The following TNFRSF21 variants were observed in gnomAD, a reference collection of about 807,000 sequenced individuals.
TNFRSF21 encodes TNF receptor superfamily member 21.
A neutral mutation model predicts 45.6 loss-of-function variants in TNFRSF21; 19 were observed. The ratio of observed to expected loss-of-function variants is 0.42; its 90% CI spans 0.29 to 0.61. TNFRSF21 has a LOEUF of 0.61. Among genes scored for constraint, TNFRSF21 ranks in the 20% least tolerant of loss-of-function variants. TNFRSF21 has a pLI of 0.23. For synonymous variants in TNFRSF21, 314 were observed against 335.5 expected (o/e 0.94, Z 0.70); for missense variants, 737 against 851.5 (o/e 0.87, Z 1.67).
At chr6:47,297,040 G>A (rs959057924) in intron 1 of TNFRSF21, among the ~76,000 whole-genome samples, 2 of 152,106 alleles carry the variant, frequency 1.3e-5, no homozygotes, top group Non-Finnish European at 2.9e-5. Context: ...TCAGATATTG[G>A]GGGCAGTCCC....
intron 4 of TNFRSF21, among the ~76,000 whole-genome samples, chr6:47,248,293 A>T (rs1764850951): frequency 1.3e-5 from 2 of 152,130 alleles, no homozygotes; most frequent in African/African-American, 4.8e-5. Context: ...TTTGATAACC[A>T]CTCAGAGTGT....
At chr6:47,274,620 A>G (rs895484492) in intron 3 of TNFRSF21, among the ~76,000 whole-genome samples, 12 of 152,328 alleles carry the variant, frequency 7.9e-5, no homozygotes, top group Admixed American at 3.9e-4. Flanking sequence ...ATGGCAACAA[A>G]AGCCAAAATT....
At chr6:47,267,756 G>C (rs1762356851) in intron 3 of TNFRSF21, among the ~76,000 whole-genome samples, 1 of 152,124 alleles carries the variant, frequency 6.6e-6, no homozygotes, top group South Asian at 2.1e-4. Flanking sequence ...ACACAGGCCT[G>C]GCACCATGGC....
intron 4 of TNFRSF21, among the ~76,000 whole-genome samples, chr6:47,238,328 C>T (rs538286005): frequency 2.0e-5 from 3 of 152,340 alleles, no homozygotes; most frequent in South Asian, 2.1e-4. Flanking sequence ...ATTAAGAAAA[C>T]GTGGCCTGTA....
intron 4 of TNFRSF21, among the ~76,000 whole-genome samples, chr6:47,236,121 G>C (rs1433100508): frequency 6.6e-6 from 1 of 152,226 alleles, no homozygotes; most frequent in Non-Finnish European, 1.5e-5. Flanking sequence ...AGGGCACACA[G>C]CTACTGGCAG....
chr6:47,291,957 T>C (rs1386193364), intron 1 of TNFRSF21, among the ~76,000 whole-genome samples: 4 of 152,196 alleles, frequency 2.6e-5, no homozygotes, highest in African/African-American at 7.2e-5. Flanking sequence ...TCCATTTTCC[T>C]AGGGCCTTTT....
intron 3 of TNFRSF21, among the ~76,000 whole-genome samples, chr6:47,275,664 GAAAAA>G (rs11406009): frequency 6.6e-6 from 1 of 151,238 alleles, no homozygotes; most frequent in South Asian, 2.1e-4. Context: ...TTTAAAAAAA[GAAAAA>G]AAAATGTCTC....
At chr6:47,282,185 A>C (rs1762577106) in intron 3 of TNFRSF21, among the ~76,000 whole-genome samples, 1 of 152,146 alleles carries the variant, frequency 6.6e-6, no homozygotes, top group Admixed American at 6.5e-5. Context: ...TGGGAGTTCA[A>C]GACCAGCCTG....
intron 3 of TNFRSF21, among the ~76,000 whole-genome samples, chr6:47,282,370 G>A (rs1049107710): frequency 1.4e-5 from 2 of 138,156 alleles, no homozygotes; most frequent in African/African-American, 2.8e-5. Context: ...AGCAACAAGA[G>A]CTAAATTCTG....
At position 47,234,733 on chromosome 6, in the gene TNFRSF21, G is replaced by C. The variant is rs778532822; in HGVS notation, c.1675C>G (p.Arg559Gly). ...GAGCCGCTGGATGTAGAGTCACAGC[G>C]GAGAAGGGGCTCCGACTCATCCACG... ...FFVDESEPLL[R>G]CDSTSSGSSA... Residue 559 changes from arginine to glycine, a missense_variant, in exon 5 of 6, where the codon CGC (arginine) becomes GGC (glycine). By Grantham distance (125) the Arg-to-Gly change is moderately radical. Transcript: ENST00000296861. 7.4e-6 allele frequency: 12 copies of C among 1,612,050 alleles called. No individual in the cohort carries two copies. The highest frequency in any genetic ancestry group is 1.0e-5 in the Non-Finnish European group (12 of 1,179,188).
At chr6:47,298,764 T>C (rs1762822943) in intron 1 of TNFRSF21, among the ~76,000 whole-genome samples, 1 of 152,204 alleles carries the variant, frequency 6.6e-6, no homozygotes, top group African/African-American at 2.4e-5. Context: ...ATATACTATC[T>C]GGCCTTTCAC....
intron 1 of TNFRSF21, among the ~76,000 whole-genome samples, chr6:47,300,479 C>G (rs998191626): frequency 2.0e-5 from 3 of 152,216 alleles, no homozygotes; most frequent in African/African-American, 7.2e-5. Flanking sequence ...CTCCCCTTCT[C>G]TAATCCATTC....
intron 1 of TNFRSF21, among the ~76,000 whole-genome samples, chr6:47,290,866 C>T (rs970443546): frequency 6.6e-6 from 1 of 152,226 alleles, no homozygotes; most frequent in Non-Finnish European, 1.5e-5. Flanking sequence ...TGCAAGACAG[C>T]ATGCCATGGG....
rs1402760664 is a variant in TNFRSF21, at chr6:47,295,821, T to G, written c.97-9226A>C. Reference sequence around the variant, plus strand: ...CTCTGATTTAAAAAAAAAAAAGTCTTCTGTTGCTAAGGCAAAAGCAGGGAC... The same window carrying G: ...CTCTGATTTAAAAAAAAAAAAGTCTGCTGTTGCTAAGGCAAAAGCAGGGAC... On this transcript the variant is annotated intron_variant, in intron 1 of 5. Coordinates refer to ENST00000296861, the MANE Select transcript of TNFRSF21 (RefSeq NM_014452.5). Among the ~76,000 whole-genome samples, 5 of 152,106 alleles carry G rather than the reference T, an allele frequency of 3.3e-5. No homozygotes were observed. In the East Asian group the frequency reaches 9.7e-4, roughly 29 times the overall value.
At chr6:47,250,952 T>C (rs1764892725) in intron 4 of TNFRSF21, among the ~76,000 whole-genome samples, 1 of 152,274 alleles carries the variant, frequency 6.6e-6, no homozygotes, top group African/African-American at 2.4e-5. Context: ...ACACTTTTTC[T>C]AATTTTGTAT....
chr6:47,272,292 G>T (rs1762433394), intron 3 of TNFRSF21, among the ~76,000 whole-genome samples: 1 of 152,052 alleles, frequency 6.6e-6, no homozygotes, highest in African/African-American at 2.4e-5. Context: ...AAATATAAAA[G>T]AACAGAAATC....
chr6:47,309,639 T>A lies in TNFRSF21; in HGVS notation c.-128A>T. The A allele has an allele frequency of 3.2e-6, 4 of 1,256,870 alleles. No homozygotes were observed. The highest frequency in any genetic ancestry group is 4.1e-6 in the Non-Finnish European group (4 of 978,562). The allele number at this position is 1,256,870 out of a possible 1,614,324, so 77.9% of individuals were successfully genotyped here. A position where few individuals can be genotyped will look rare whatever the true frequency, so the allele number is the denominator to read the frequency against. ...GAGCCCATCTACCTCCAACACCCCA[T>A]GTGCACTGCTGCGGCCGGGCAGAGG... On this transcript the variant is annotated 5_prime_UTR_variant, in exon 1 of 6. The change abolishes an upstream ATG in the 5' untranslated region. Coordinates refer to ENST00000296861, the MANE Select transcript of TNFRSF21 (RefSeq NM_014452.5).
At chr6:47,287,865 G>T (rs1271304128) in intron 1 of TNFRSF21, among the ~76,000 whole-genome samples, 2 of 152,184 alleles carry the variant, frequency 1.3e-5, no homozygotes, top group African/African-American at 4.8e-5. Context: ...ATATACTCCA[G>T]AATGGCTAAA....
rs936904945 is a variant in TNFRSF21, at chr6:47,309,364, G to T, written c.96+52C>A. The T allele has an allele frequency of 5.4e-5, 81 of 1,504,016 alleles. 1 individual carries two copies. Among genetic ancestry groups the T allele is most frequent in the Non-Finnish European group, 6.6e-5 (75 of 1,132,654 alleles). The allele number at this position is 1,504,016 out of a possible 1,614,324, so 93.2% of individuals were successfully genotyped here. Reference sequence around the variant, plus strand: ...GTGACCCGCCCGGCTCCCGGAGAGCGGTTCCTTCTGCTCCGGCGCCGCCGC... The same window carrying T: ...GTGACCCGCCCGGCTCCCGGAGAGCTGTTCCTTCTGCTCCGGCGCCGCCGC... On this transcript the variant is annotated intron_variant, in intron 1 of 5. Transcript: ENST00000296861.
Sources: gnomAD v4.1 joint callset for allele counts (sites outside exome capture counted in the v4.1 genomes callset) on GRCh38, gnomAD v4.1.1 for gene constraint, MANE v1.5 for transcripts, NCBI Gene and HGNC (gene_info 2026-07-23, HGNC 2026-07-21) for gene names.